The following PTPRN2 variants were observed in gnomAD, a reference collection of about 807,000 sequenced individuals.
PTPRN2 encodes receptor-type tyrosine-protein phosphatase N2.
Under a neutral mutation model 118.8 loss-of-function variants are expected in PTPRN2, and 74 were observed. The observed-to-expected ratio is 0.62, with a 90% CI of 0.52 to 0.76. PTPRN2 has a LOEUF of 0.76. Ranked by LOEUF, PTPRN2 falls within the 30% of genes least tolerant of loss-of-function variation. The pLI, the probability that PTPRN2 is intolerant of heterozygous loss-of-function variation, is 0.00. For synonymous variants in PTPRN2, 641 were observed against 608.0 expected (o/e 1.05, Z -0.80); for missense variants, 1,481 against 1,394.4 (o/e 1.06, Z -0.99).
At chr7:158,244,714 G>A (rs1031744710) in intron 3 of PTPRN2, among the ~76,000 whole-genome samples, 1 of 71,630 alleles carries the variant, frequency 1.4e-5, no homozygotes, top group Non-Finnish European at 2.6e-5. Context: ...GTTGTGAGTT[G>A]TGTTAGAGTG....
chr7:158,037,292 C>T (rs942825953), intron 11 of PTPRN2, among the ~76,000 whole-genome samples: 9 of 152,196 alleles, frequency 5.9e-5, no homozygotes, highest in South Asian at 4.1e-4. Context: ...GACCAAATGT[C>T]GTAAATACAC....
intron 6 of PTPRN2, among the ~76,000 whole-genome samples, chr7:158,164,763 C>T (rs1177935936): frequency 2.0e-5 from 3 of 152,008 alleles, no homozygotes; most frequent in Admixed American, 6.5e-5. Flanking sequence ...AGGAAGAGGA[C>T]GACCCAAAGT....
At chr7:158,360,757 G>A (rs1808839534) in intron 2 of PTPRN2, among the ~76,000 whole-genome samples, 1 of 8,002 alleles carries the variant, frequency 1.2e-4, no homozygotes, top group Admixed American at 1.0e-3. Context: ...CCTCACCCAG[G>A]ATGACGCACA....
intron 12 of PTPRN2, among the ~76,000 whole-genome samples, chr7:157,817,775 C>A (rs541236116): frequency 6.6e-6 from 1 of 151,936 alleles, no homozygotes; most frequent in South Asian, 2.1e-4. Flanking sequence ...GTGTGAGAGA[C>A]GTGTGTGATG....
chr7:158,436,665 T>C (rs1179479486), intron 2 of PTPRN2, among the ~76,000 whole-genome samples: 1 of 152,256 alleles, frequency 6.6e-6, no homozygotes, highest in Admixed American at 6.5e-5. Context: ...TCTTTATACC[T>C]GAGAAACATT....
intron 2 of PTPRN2, among the ~76,000 whole-genome samples, chr7:158,405,502 C>T (rs1332803095): frequency 1.3e-5 from 2 of 152,240 alleles, no homozygotes; most frequent in African/African-American, 2.4e-5. Flanking sequence ...CAGCGTCCGA[C>T]CGTCTCTCCT....
chr7:157,946,649 C>T (rs916663351), intron 11 of PTPRN2, among the ~76,000 whole-genome samples: 1 of 152,208 alleles, frequency 6.6e-6, no homozygotes, highest in African/African-American at 2.4e-5. Context: ...GTTAGGCCAG[C>T]AGCCACAGGG....
intron 2 of PTPRN2, among the ~76,000 whole-genome samples, chr7:158,400,321 TC>T (rs1250752283): frequency 2.0e-5 from 3 of 152,112 alleles, no homozygotes; most frequent in African/African-American, 7.2e-5. Flanking sequence ...ACCCATGCTG[TC>T]CCATCTCCCC....
At chr7:157,747,576 C>T (rs1411906131) in intron 12 of PTPRN2, among the ~76,000 whole-genome samples, 17 of 106,966 alleles carry the variant, frequency 1.6e-4, no homozygotes, top group Non-Finnish European at 3.2e-4. Flanking sequence ...CTGAGGCCTG[C>T]GTCTCTGAGC....
In PTPRN2 at chr7:157,560,470, C is replaced by T. The variant is rs776233432; in HGVS notation, c.2902+8432G>A. Among the ~76,000 whole-genome samples, 5 of 152,174 alleles carry T rather than the reference C, an allele frequency of 3.3e-5. No individual in the cohort carries two copies. Among genetic ancestry groups the T allele is most frequent in the Middle Eastern group, 3.2e-3 (1 of 316 alleles). On this transcript the variant is annotated intron_variant, in intron 21 of 22. Transcript: ENST00000389418. This position sits in a 1 kb window ranked among gnomAD's most constrained non-coding sequence, Gnocchi z 6.7. Reference sequence around the variant, plus strand: ...GCCTGGGTGGGGTCAGCCACGCCCCCGGACCACTGCTCCAACCAGCGTTCG... The same window carrying T: ...GCCTGGGTGGGGTCAGCCACGCCCCTGGACCACTGCTCCAACCAGCGTTCG...
At chr7:157,916,247 C>G (rs978572860) in intron 11 of PTPRN2, among the ~76,000 whole-genome samples, 1 of 152,208 alleles carries the variant, frequency 6.6e-6, no homozygotes, top group African/African-American at 2.4e-5. Flanking sequence ...TCTAACCCTC[C>G]TGGCAGCAGT....
intron 12 of PTPRN2, among the ~76,000 whole-genome samples, chr7:157,826,529 C>T (rs906864398): frequency 2.3e-4 from 29 of 125,314 alleles, no homozygotes; most frequent in Non-Finnish European, 4.0e-4. Context: ...TCGTCACAAT[C>T]GCGAGCGCCA....
At chr7:158,287,900 C>T (rs548993321) in intron 3 of PTPRN2, among the ~76,000 whole-genome samples, 19 of 152,096 alleles carry the variant, frequency 1.2e-4, no homozygotes, top group East Asian at 3.9e-4. Context: ...TGTCCATTGC[C>T]GAAAGTGGGT....
At chr7:158,407,291 G>GGTCCTGGGTCCTGGGTCCTGC (rs1813619249) in intron 2 of PTPRN2, among the ~76,000 whole-genome samples, 1 of 43,684 alleles carries the variant, frequency 2.3e-5, no homozygotes, top group African/African-American at 1.2e-4. Flanking sequence ...CTGGGTCCTG[G>GGTCCTGGGTCCTGGGTCCTGC]GTCCTGCGTC....
intron 14 of PTPRN2, among the ~76,000 whole-genome samples, chr7:157,642,814 CAAAAAAAAAAAAA>C (rs11335302): frequency 1.9e-3 from 46 of 24,222 alleles, no homozygotes; most frequent in African/African-American, 4.9e-3. Flanking sequence ...CAAGAAACAG[CAAAAAAAAAAAAA>C]AAAAAAAAAA....
chr7:158,273,667 GGGA>G (rs1798701251), intron 3 of PTPRN2, among the ~76,000 whole-genome samples: 1 of 80,092 alleles, frequency 1.2e-5, no homozygotes. Flanking sequence ...CCGCAGACAC[GGGA>G]GGAGCCGCAG....
chr7:157,973,284 A>G (rs947101856), intron 11 of PTPRN2, among the ~76,000 whole-genome samples: 1 of 152,110 alleles, frequency 6.6e-6, no homozygotes, highest in African/African-American at 2.4e-5. Flanking sequence ...GATAGGACAG[A>G]CACAGGATTT....
intron 21 of PTPRN2, among the ~76,000 whole-genome samples, chr7:157,554,768 C>T (rs1000981768): frequency 1.3e-5 from 2 of 152,244 alleles, no homozygotes; most frequent in African/African-American, 2.4e-5. Context: ...CGATGTCTAC[C>T]GGGGACAGAG....
Position 157,778,088 on chromosome 7 carries a change from C to G in PTPRN2, c.1789-95151G>C, listed in dbSNP as rs1245794435. On this transcript the variant is annotated intron_variant, in intron 12 of 22. Coordinates refer to ENST00000389418, the MANE Select transcript of PTPRN2 (RefSeq NM_002847.5). ...ACAGAACCAGAGTCTAAAGTGAGCA[C>G]AGCAAACTCCGCGGTGACACCAGAG... is the stretch of plus-strand genomic sequence containing the variant. Among the ~76,000 whole-genome samples, 4 of 152,098 alleles carry G rather than the reference C, an allele frequency of 2.6e-5. 1 individual carries two copies. In the South Asian group the frequency reaches 8.3e-4, roughly 31 times the overall value.
Sources: gnomAD v4.1 joint callset for allele counts (sites outside exome capture counted in the v4.1 genomes callset) on GRCh38, gnomAD v4.1.1 for gene constraint, Gnocchi (gnomAD v3.1) non-coding constraint, MANE v1.5 for transcripts, NCBI Gene and HGNC (gene_info 2026-07-23, HGNC 2026-07-21) for gene names.